The following RALYL variants were observed in gnomAD, a reference collection of about 807,000 sequenced individuals.
RALYL encodes RNA-binding Raly-like protein.
Under a neutral mutation model 35.1 loss-of-function variants are expected in RALYL, and 29 were observed. The ratio of observed to expected loss-of-function variants is 0.83; its 90% CI spans 0.61 to 1.13. RALYL has a LOEUF of 1.13. Among genes scored for constraint, RALYL ranks in the 50% most tolerant of loss-of-function variants. The pLI is 0.00. For missense variants in RALYL, 359 were observed against 360.4 expected (o/e 1.00, Z 0.03); for synonymous variants, 120 against 127.6 (o/e 0.94, Z 0.40).
chr8:84,803,290 AC>A (rs1194356365), intron 3 of RALYL, among the ~76,000 whole-genome samples: 1 of 152,224 alleles, frequency 6.6e-6, no homozygotes, highest in Non-Finnish European at 1.5e-5. Context: ...AAATATGTGA[AC>A]AATCTCCTGC....
intron 2 of RALYL, among the ~76,000 whole-genome samples, chr8:84,578,638 A>G (rs1308753192): frequency 6.6e-6 from 1 of 152,128 alleles, no homozygotes; most frequent in Admixed American, 6.5e-5. Flanking sequence ...AGCAGAAAGG[A>G]GACCCAAAGT....
intron 1 of RALYL, among the ~76,000 whole-genome samples, chr8:84,330,808 T>G (rs1846666191): frequency 6.6e-6 from 1 of 152,034 alleles, no homozygotes; most frequent in African/African-American, 2.4e-5. Flanking sequence ...ATCAATACAG[T>G]GGGTAATAAT....
At chr8:84,461,056 T>C (rs865911408) in intron 1 of RALYL, among the ~76,000 whole-genome samples, 2 of 151,680 alleles carry the variant, frequency 1.3e-5, no homozygotes, top group Non-Finnish European at 3.0e-5. Context: ...GAATATATCT[T>C]AGTGCATATG....
chr8:84,848,765 C>T (rs1835203135), intron 4 of RALYL, among the ~76,000 whole-genome samples: 1 of 152,004 alleles, frequency 6.6e-6, no homozygotes, highest in South Asian at 2.1e-4. Context: ...GAATCATAAA[C>T]TTTAAAAAGA....
At chr8:84,677,231 A>C (rs1834396598) in intron 2 of RALYL, among the ~76,000 whole-genome samples, 1 of 152,248 alleles carries the variant, frequency 6.6e-6, no homozygotes, top group African/African-American at 2.4e-5. Flanking sequence ...TCAATGTCCC[A>C]GATAAAATAA....
At chr8:84,493,636 G>A (rs1313162435) in intron 1 of RALYL, among the ~76,000 whole-genome samples, 1 of 151,990 alleles carries the variant, frequency 6.6e-6, no homozygotes, top group Non-Finnish European at 1.5e-5. Context: ...ATCTCGTTGT[G>A]GTTTTGATTT....
At chr8:84,249,819 A>G (rs1829827123) in intron 1 of RALYL, among the ~76,000 whole-genome samples, 1 of 152,052 alleles carries the variant, frequency 6.6e-6, no homozygotes, top group South Asian at 2.1e-4. Context: ...GGGAGAGAAA[A>G]TATAAAATAA....
chr8:84,624,058 G>A (rs1822172748), intron 2 of RALYL, among the ~76,000 whole-genome samples: 1 of 152,150 alleles, frequency 6.6e-6, no homozygotes, highest in South Asian at 2.1e-4. Context: ...GTTATTGTTA[G>A]TCTTTAGAGA....
intron 1 of RALYL, among the ~76,000 whole-genome samples, chr8:84,474,298 G>C (rs1453693259): frequency 6.6e-6 from 1 of 152,116 alleles, no homozygotes; most frequent in Non-Finnish European, 1.5e-5. Context: ...TTTCATACTT[G>C]TTCATGCAAA....
At chr8:84,564,564 C>T (rs1038458597) in intron 2 of RALYL, among the ~76,000 whole-genome samples, 4 of 151,626 alleles carry the variant, frequency 2.6e-5, no homozygotes, top group African/African-American at 9.7e-5. Context: ...TGCCACAATC[C>T]CTTCAATGTG....
At chr8:84,840,156 G>A (rs965282859) in intron 4 of RALYL, among the ~76,000 whole-genome samples, 7 of 151,904 alleles carry the variant, frequency 4.6e-5, no homozygotes, top group Admixed American at 2.0e-4. Flanking sequence ...GGCTTCAGAC[G>A]ATCAAACTAC....
chr8:84,436,934 A>G (rs1318926846), intron 1 of RALYL, among the ~76,000 whole-genome samples: 1 of 152,088 alleles, frequency 6.6e-6, no homozygotes, highest in Non-Finnish European at 1.5e-5. Context: ...TTACATGGGT[A>G]TAATGAGTGA....
chr8:84,776,156 A>T (rs1334811494), intron 3 of RALYL, among the ~76,000 whole-genome samples: 1 of 152,212 alleles, frequency 6.6e-6, no homozygotes, highest in Non-Finnish European at 1.5e-5. Context: ...GTGCTCAAAA[A>T]TAGCCTGGAG....
intron 1 of RALYL, among the ~76,000 whole-genome samples, chr8:84,307,481 TGAA>T (rs1288957203): frequency 6.6e-6 from 1 of 151,968 alleles, no homozygotes; most frequent in Non-Finnish European, 1.5e-5. Flanking sequence ...TATAGCCAAA[TGAA>T]GAAAAAAAAG....
intron 1 of RALYL, among the ~76,000 whole-genome samples, chr8:84,326,567 C>T (rs190684543): frequency 7.2e-5 from 11 of 152,016 alleles, no homozygotes; most frequent in Middle Eastern, 3.4e-3. Context: ...AATATCATAA[C>T]GAAAAGGAAT....
chr8:84,818,189 C>G (rs1827785031), intron 4 of RALYL, among the ~76,000 whole-genome samples: 1 of 151,982 alleles, frequency 6.6e-6, no homozygotes, highest in South Asian at 2.1e-4. Context: ...CCAGGCTGTA[C>G]TTAGAGTGAT....
intron 1 of RALYL, among the ~76,000 whole-genome samples, chr8:84,264,336 G>A (rs540745571): frequency 2.6e-5 from 4 of 151,604 alleles, no homozygotes; most frequent in African/African-American, 4.8e-5. Context: ...GTCTCATTGT[G>A]GTTTTTATTT....
intron 1 of RALYL, among the ~76,000 whole-genome samples, chr8:84,499,216 G>A (rs2056410221): frequency 6.6e-6 from 1 of 151,906 alleles, no homozygotes; most frequent in Non-Finnish European, 1.5e-5. Flanking sequence ...GTACCCAATA[G>A]GTAATTTTTC....
At chr8:84,785,376 C>A (rs533971063) in intron 3 of RALYL, among the ~76,000 whole-genome samples, 2 of 152,134 alleles carry the variant, frequency 1.3e-5, no homozygotes, top group Non-Finnish European at 2.9e-5. Flanking sequence ...AAAAAATCAA[C>A]CTCTTTAAGC....
Sources: allele counts gnomAD v4.1 joint callset (sites outside exome capture counted in the v4.1 genomes callset), GRCh38; gene constraint gnomAD v4.1.1; transcripts MANE v1.5; gene names NCBI Gene and HGNC (gene_info 2026-07-23, HGNC 2026-07-21).